PTPRB: variants seen among roughly 807,000 people sequenced by gnomAD.
PTPRB encodes protein tyrosine phosphatase receptor type B, also known as receptor-type tyrosine-protein phosphatase beta.
PTPRB carries 97 observed loss-of-function variants against 238.1 expected under a neutral mutation model. The ratio of observed to expected loss-of-function variants is 0.41; its 90% CI spans 0.35 to 0.48. The LOEUF (loss-of-function observed/expected upper bound fraction) is 0.48. Among genes scored for constraint, PTPRB ranks in the 20% least tolerant of loss-of-function variants. The pLI, the probability that PTPRB is intolerant of heterozygous loss-of-function variation, is 0.30. For synonymous variants in PTPRB, 970 were observed against 995.4 expected, an observed-to-expected ratio of 0.97 and a Z score of 0.48; for missense variants, 2,292 against 2,681.9, an observed-to-expected ratio of 0.85 and a Z score of 3.21.
At chr12:70,546,967 TA>T (rs1343199605) in intron 21 of PTPRB, among the ~76,000 whole-genome samples, 1 of 152,218 alleles carries the variant, frequency 6.6e-6, no homozygotes, top group Non-Finnish European at 1.5e-5. Flanking sequence ...AAACTTTTGC[TA>T]GTGTTAATTT....
intron 2 of PTPRB, among the ~76,000 whole-genome samples, chr12:70,623,030 G>A (rs1308009990): frequency 6.6e-6 from 1 of 152,094 alleles, no homozygotes; most frequent in South Asian, 2.1e-4. Flanking sequence ...ATGTGAATAT[G>A]TACTTTTCTT....
intron 31 of PTPRB, among the ~76,000 whole-genome samples, chr12:70,533,376 T>G (rs933117076): frequency 6.6e-6 from 1 of 152,156 alleles, no homozygotes; most frequent in Non-Finnish European, 1.5e-5. Flanking sequence ...CACTTGGCAT[T>G]TCTCTTACTG....
chr12:70,624,784 T>A (rs1468696836), intron 2 of PTPRB, among the ~76,000 whole-genome samples: 1 of 152,126 alleles, frequency 6.6e-6, no homozygotes. Context: ...ATACCTAGCA[T>A]CTAATTACAT....
chr12:70,544,414 A>G (rs1464737265), intron 22 of PTPRB, 143 bp downstream of exon 22: 2 of 623,622 alleles, frequency 3.2e-6, no homozygotes, highest in African/African-American at 3.7e-5. Context: ...AATCCCTTTG[A>G]TCCACATCAA....
intron 11 of PTPRB, among the ~76,000 whole-genome samples, chr12:70,574,760 G>C (rs540597922): frequency 1.1e-4 from 16 of 152,298 alleles, no homozygotes; most frequent in African/African-American, 3.8e-4. Flanking sequence ...AAACTGATTT[G>C]TCAGGGGCAA....
intron 3 of PTPRB, among the ~76,000 whole-genome samples, chr12:70,618,007 A>G (rs937609517): frequency 6.6e-6 from 1 of 152,242 alleles, no homozygotes; most frequent in Non-Finnish European, 1.5e-5. Flanking sequence ...AAGGCAAGGT[A>G]GGAATGATGA....
intron 5 of PTPRB, 76 bp from the exon 6 acceptor site, chr12:70,594,800 T>G: frequency 4.6e-6 from 7 of 1,515,742 alleles, no homozygotes; most frequent in Non-Finnish European, 6.3e-6. Context: ...TAATTAGAAG[T>G]CACATATTCA....
intron 3 of PTPRB, among the ~76,000 whole-genome samples, chr12:70,613,021 A>C (rs1884528166): frequency 6.6e-6 from 1 of 152,180 alleles, no homozygotes; most frequent in Non-Finnish European, 1.5e-5. Flanking sequence ...TCATGGCTAA[A>C]AGTATGAATC....
In PTPRB at chr12:70,534,899, G is replaced by A. The variant is rs1873859663; in HGVS notation, c.6138C>T (p.Leu2046=). Residue 2046 remains leucine (L), a synonymous_variant, in exon 30 of 34, where the codon CTC becomes CTT. Coordinates refer to ENST00000334414, the MANE Select transcript of PTPRB (RefSeq NM_001109754.4). Reference sequence around the variant, plus strand: ...CGGACTCTGAGAGCATCTGCAGGATGAGGTCCCCATAGTAGAGGGAATCCT... The same window carrying A: ...CGGACTCTGAGAGCATCTGCAGGATAAGGTCCCCATAGTAGAGGGAATCCT... ...ADQDSLYYGD[L]ILQMLSESVL... is the part of the protein sequence containing the mutation. 6.2e-7 allele frequency: 1 copy of A among 1,613,816 alleles called. No individual in the cohort carries two copies. The highest frequency in any genetic ancestry group is 1.3e-5 in the African/African-American group (1 of 74,928).
chr12:70,523,981 T>C (rs1278180592), intron 33 of PTPRB, among the ~76,000 whole-genome samples: 2 of 152,020 alleles, frequency 1.3e-5, no homozygotes, highest in African/African-American at 4.8e-5. Context: ...CCTGGCTCTT[T>C]TGTACTTTTA....
chr12:70,529,471 C>T (rs1872852660), intron 32 of PTPRB, among the ~76,000 whole-genome samples: 1 of 151,984 alleles, frequency 6.6e-6, no homozygotes, highest in Non-Finnish European at 1.5e-5. Context: ...GTGAAAGTGA[C>T]AATAAACTAA....
intron 3 of PTPRB, among the ~76,000 whole-genome samples, chr12:70,612,820 C>T (rs999108730): frequency 6.6e-6 from 1 of 151,988 alleles, no homozygotes; most frequent in Non-Finnish European, 1.5e-5. Flanking sequence ...AACCCTGTCT[C>T]TACAAAAAAT....
At position 70,545,318 on chromosome 12, in the gene PTPRB, C is replaced by G. The variant is rs555118927; in HGVS notation, c.5388-655G>C. 4.6e-5 allele frequency among the ~76,000 whole-genome samples: 7 copies of G among 152,208 alleles called. No individual in the cohort carries two copies. The South Asian group carries it at 1.5e-3, about 32-fold the overall frequency. On this transcript the variant is annotated intron_variant, in intron 21 of 33. Transcript: ENST00000334414. ...TGCCCATTAGAGAAGTCAAGTGGCCCAAATATCAATATTATTGTTGTTGTT... is the reference window on the plus strand; with the variant it reads ...TGCCCATTAGAGAAGTCAAGTGGCCGAAATATCAATATTATTGTTGTTGTT...
rs185173694 is a variant in PTPRB at position 70,564,204 on chromosome 12, C to T, written c.3905-1097G>A. Among the ~76,000 whole-genome samples the T allele has an allele frequency of 1.6e-3, 247 of 152,282 alleles. 1 individual carries two copies. Among genetic ancestry groups the T allele is most frequent in the African/African-American group, 5.8e-3 (240 of 41,564 alleles). The stretch of plus-strand genomic sequence containing the variant: ...ACTGCCTCAATGAAGTCTTTGGGGA[C>T]TGTACTATCTAAAATTGTAAGTCCC... On this transcript the variant is annotated intron_variant, in intron 15 of 33. Transcript: ENST00000334414.
chr12:70,629,613 GAT>G (rs1347144650), intron 2 of PTPRB, among the ~76,000 whole-genome samples: 1 of 152,068 alleles, frequency 6.6e-6, no homozygotes. Flanking sequence ...AACTGAAAGA[GAT>G]AGAGACACAA....
intron 2 of PTPRB, among the ~76,000 whole-genome samples, chr12:70,626,186 G>T (rs1181111095): frequency 6.8e-6 from 1 of 147,834 alleles, no homozygotes; most frequent in Non-Finnish European, 1.5e-5. Context: ...TTTCTATTCT[G>T]TAGGAAGATG....
At chr12:70,630,656 A>G (rs1309556142) in intron 2 of PTPRB, among the ~76,000 whole-genome samples, 1 of 152,258 alleles carries the variant, frequency 6.6e-6, no homozygotes, top group Admixed American at 6.5e-5. Context: ...ACATGATTGT[A>G]TATTTAGAAA....
chr12:70,547,766 C>A (rs1294429355), intron 21 of PTPRB, among the ~76,000 whole-genome samples: 1 of 152,102 alleles, frequency 6.6e-6, no homozygotes, highest in Non-Finnish European at 1.5e-5. Context: ...CTTGGCCTCC[C>A]AAAGTGCTCG....
intron 18 of PTPRB, among the ~76,000 whole-genome samples, chr12:70,557,339 T>C (rs1877844347): frequency 6.6e-6 from 1 of 152,238 alleles, no homozygotes; most frequent in Non-Finnish European, 1.5e-5. Flanking sequence ...TTTTGGATTT[T>C]CTGTTACCCA....
Sources: gnomAD v4.1 joint callset for allele counts (sites outside exome capture counted in the v4.1 genomes callset) on GRCh38, gnomAD v4.1.1 for gene constraint, MANE v1.5 for transcripts, NCBI Gene and HGNC (gene_info 2026-07-23, HGNC 2026-07-21) for gene names.